The following SLC7A14 variants were observed in gnomAD, a reference collection of about 807,000 sequenced individuals.
SLC7A14 encodes gamma-aminobutyric acid transporter SLC7A14.
SLC7A14 carries 37 observed loss-of-function variants against 60.2 expected under a neutral mutation model. The observed-to-expected ratio is 0.61, with a 90% CI of 0.47 to 0.81. SLC7A14 has a LOEUF of 0.81. Among genes scored for constraint, SLC7A14 ranks in the 30% least tolerant of loss-of-function variants. The pLI is 0.00. For synonymous variants in SLC7A14, 399 were observed against 395.8 expected (o/e 1.01, Z -0.10); for missense variants, 886 against 982.7 (o/e 0.90, Z 1.32).
chr3:170,502,557 G>A (rs1005103681), intron 2 of SLC7A14, among the ~76,000 whole-genome samples: 1 of 152,140 alleles, frequency 6.6e-6, no homozygotes, highest in African/African-American at 2.4e-5. Flanking sequence ...CATACCAGGG[G>A]TGGGATGTAA....
intron 6 of SLC7A14, among the ~76,000 whole-genome samples, chr3:170,483,033 C>T (rs1187315150): frequency 6.6e-6 from 1 of 151,998 alleles, no homozygotes; most frequent in Non-Finnish European, 1.5e-5. Context: ...AGCAGTTTGG[C>T]CCCATCATCT....
At chr3:170,564,275 G>A (rs1459539768) in intron 1 of SLC7A14, among the ~76,000 whole-genome samples, 2 of 152,192 alleles carry the variant, frequency 1.3e-5, no homozygotes, top group Non-Finnish European at 2.9e-5. Context: ...CCTCCGAAAA[G>A]GCACTTCCTG....
Position 170,471,090 on chromosome 3 carries a change from G to GGTGTGTGTGTGTGTGTGT in SLC7A14, c.1994-3731_1994-3714dup, listed in dbSNP as rs113891859. Among the ~76,000 whole-genome samples, 444 of 146,442 alleles carry GGTGTGTGTGTGTGTGTGT rather than the reference G, an allele frequency of 3.0e-3. 2 individuals are homozygous for GGTGTGTGTGTGTGTGTGT. The highest frequency in any genetic ancestry group is 0.01 in the African/African-American group (401 of 39,194). On this transcript the variant is annotated intron_variant, in intron 7 of 7. Coordinates refer to ENST00000231706, the MANE Select transcript of SLC7A14 (RefSeq NM_020949.3). ...ACTCCCTTTAACCTGTCTGGGAAGG[G>GGTGTGTGTGTGTGTGTGT]GTGTGTGTGTGTGTGTGTGTGTGTG...
intron 1 of SLC7A14, among the ~76,000 whole-genome samples, chr3:170,541,028 A>G (rs1714002710): frequency 6.6e-6 from 1 of 152,244 alleles, no homozygotes; most frequent in Non-Finnish European, 1.5e-5. Flanking sequence ...TAAAAAAATA[A>G]AAGTACTCTT....
intron 4 of SLC7A14, among the ~76,000 whole-genome samples, chr3:170,497,422 C>T (rs767698947): frequency 1.3e-4 from 19 of 148,916 alleles, no homozygotes; most frequent in Non-Finnish European, 2.4e-4. Flanking sequence ...CTGCATTGAA[C>T]GGCATGGCGT....
chr3:170,480,466 G>A lies in SLC7A14; in HGVS notation c.1816C>T (p.Leu606=). The stretch of plus-strand genomic sequence containing the variant: ...ACAAACACCAGGGTGCTGATCAGCA[G>A]CACCATCAGAACAACCAGAAGGATG... ...WAILLVVLMV[L]LISTLVFVIL... The change falls in exon 7 of 8, where the codon CTG becomes TTG. Residue 606 remains leucine (L), a synonymous_variant. Coordinates refer to ENST00000231706, the MANE Select transcript of SLC7A14 (RefSeq NM_020949.3). 1 of 1,614,068 alleles carries A rather than the reference G, an allele frequency of 6.2e-7. No individual in the cohort carries two copies.
intron 7 of SLC7A14, among the ~76,000 whole-genome samples, chr3:170,472,166 C>G (rs988871205): frequency 4.1e-5 from 6 of 147,020 alleles, no homozygotes; most frequent in African/African-American, 7.6e-5. Flanking sequence ...GTCAGGAGTT[C>G]GAGTCCAGCC....
At chr3:170,576,274 G>C (rs1715087865) in intron 1 of SLC7A14, among the ~76,000 whole-genome samples, 1 of 152,216 alleles carries the variant, frequency 6.6e-6, no homozygotes, top group Non-Finnish European at 1.5e-5. Context: ...CTCATATCCA[G>C]TGCCTAGCTA....
At chr3:170,542,942 C>G (rs996491233) in intron 1 of SLC7A14, among the ~76,000 whole-genome samples, 1 of 151,980 alleles carries the variant, frequency 6.6e-6, no homozygotes, top group African/African-American at 2.4e-5. Context: ...TGCCATGATG[C>G]CTAGAATCTC....
chr3:170,469,255 C>G (rs1008616164), intron 7 of SLC7A14, among the ~76,000 whole-genome samples: 1 of 152,170 alleles, frequency 6.6e-6, no homozygotes, highest in Non-Finnish European at 1.5e-5. Context: ...AAATCTTGCT[C>G]TCTTTTGAAT....
rs1346235969 is a variant in SLC7A14, at chr3:170,585,186, G to C, written c.-153+725C>G. ...GAATGGGAGAAGAGAGGAGACTGAG[G>C]GTTGAAGCAGTGCAGGAGAGCTCCC... On this transcript the variant is annotated intron_variant, in intron 1 of 7. Coordinates refer to ENST00000231706, the MANE Select transcript of SLC7A14 (RefSeq NM_020949.3). The surrounding 1 kb of genome is among the most constrained non-coding windows in gnomAD (Gnocchi z 5.1). Among the ~76,000 whole-genome samples, 3 of 152,130 alleles carry C rather than the reference G, an allele frequency of 2.0e-5. No homozygotes were observed. Among genetic ancestry groups the C allele is most frequent in the Non-Finnish European group, 4.4e-5 (3 of 68,008 alleles).
chr3:170,483,284 A>C (rs201294168), intron 6 of SLC7A14, 30 bp downstream of exon 6: 18 of 1,611,896 alleles, frequency 1.1e-5, no homozygotes, highest in Non-Finnish European at 1.5e-5. Context: ...GTGGCAGAGC[A>C]GGATAAATTT....
At chr3:170,522,364 C>T (rs901035538) in intron 2 of SLC7A14, among the ~76,000 whole-genome samples, 10 of 152,134 alleles carry the variant, frequency 6.6e-5, no homozygotes, top group Non-Finnish European at 1.0e-4. Context: ...TTATTTACAT[C>T]GGCCAAAGAC....
chr3:170,565,321 A>C (rs1427467577), intron 1 of SLC7A14, among the ~76,000 whole-genome samples: 1 of 152,162 alleles, frequency 6.6e-6, no homozygotes, highest in Non-Finnish European at 1.5e-5. Flanking sequence ...GTGACTAGTC[A>C]GGGTCTAGTC....
chr3:170,496,756 A>G, intron 4 of SLC7A14: 2 of 746,538 alleles, frequency 2.7e-6, no homozygotes, highest in Non-Finnish European at 4.9e-6. Flanking sequence ...CCTAAGCTCC[A>G]GCTTTGGCTC....
At chr3:170,482,903 C>CTT (rs112513805) in intron 6 of SLC7A14, among the ~76,000 whole-genome samples, 1 of 144,270 alleles carries the variant, frequency 6.9e-6, no homozygotes, top group African/African-American at 2.5e-5. Flanking sequence ...TCTTTGTTGA[C>CTT]TTTTTTTTTT....
chr3:170,533,679 G>GT (rs1553872453), intron 1 of SLC7A14, among the ~76,000 whole-genome samples: 66 of 143,720 alleles, frequency 4.6e-4, no homozygotes, highest in Admixed American at 2.4e-3. Context: ...GTGTGTGTGT[G>GT]GTGTGTGTGT....
intron 1 of SLC7A14, among the ~76,000 whole-genome samples, chr3:170,552,005 C>T (rs1155018): frequency 0.99 from 151,538 of 152,340 alleles, 75,371 homozygotes; most frequent in East Asian, 1. Context: ...ATTACAAAGA[C>T]TTATGACTAT....
chr3:170,479,763 G>A (rs1711747861), intron 7 of SLC7A14, among the ~76,000 whole-genome samples: 1 of 152,130 alleles, frequency 6.6e-6, no homozygotes, highest in Non-Finnish European at 1.5e-5. Flanking sequence ...AGTGAGAGAT[G>A]TTAAATGATG....
Sources: gnomAD v4.1 joint callset for allele counts (sites outside exome capture counted in the v4.1 genomes callset) on GRCh38, gnomAD v4.1.1 for gene constraint, Gnocchi (gnomAD v3.1) non-coding constraint, MANE v1.5 for transcripts, NCBI Gene and HGNC (gene_info 2026-07-23, HGNC 2026-07-21) for gene names.